Variants in NOTCH2NLA observed in about 807,000 individuals in gnomAD.
NOTCH2NLA encodes notch 2 N-terminal like A, also known as notch homolog 2 N-terminal-like protein A.
In NOTCH2NLA at chr1:146,219,824, A is replaced by T. The variant is rs28526189; in HGVS notation, c.-45+8885T>A. On this transcript the variant is annotated intron_variant, in intron 1 of 4. Coordinates refer to ENST00000362074, the Ensembl canonical transcript of NOTCH2NLA. ...AAAAAAAAATATATATATATATATA[A>T]ATAAATCAACAGCTTTTCTAAATCT... Among the ~76,000 whole-genome samples the T allele has an allele frequency of 2.5e-4, 23 of 93,450 alleles. 1 individual carries two copies. Among genetic ancestry groups the T allele is most frequent in the African/African-American group, 1.4e-3 (22 of 15,740 alleles). 61.3% of individuals were successfully genotyped at this position (93,450 alleles called of 152,430 possible). A position where few individuals can be genotyped will look rare whatever the true frequency, so the allele number is the denominator to read the frequency against.
Position 146,180,695 on chromosome 1 carries a change from A to G in NOTCH2NLA, c.38+8605T>C, listed in dbSNP as rs1350079413. On this transcript the variant is annotated intron_variant, in intron 2 of 4. Transcript: ENST00000362074. ...CATGTGCACACGTGTGCATACACAC[A>G]TATGACAGGAGGACGGAGAGACACT... 2.8e-5 allele frequency among the ~76,000 whole-genome samples: 4 copies of G among 142,314 alleles called. 1 individual carries two copies. Among genetic ancestry groups the G allele is most frequent in the Non-Finnish European group, 4.9e-5 (3 of 61,816 alleles). The allele number at this position is 142,314 out of a possible 152,430, so 93.4% of individuals were successfully genotyped here.
chr1:146,158,094 G>A (rs1357506633), intron 3 of NOTCH2NLA, among the ~76,000 whole-genome samples: 1 of 151,242 alleles, frequency 6.6e-6, no homozygotes, highest in African/African-American at 2.4e-5. Flanking sequence ...TATTCACATG[G>A]CTGGCTTTTT....
At position 146,199,869 on chromosome 1, in the gene NOTCH2NLA, C is replaced by T. The variant is rs1553813480; in HGVS notation, c.-44-10488G>A. On this transcript the variant is annotated intron_variant, in intron 1 of 4. Coordinates refer to ENST00000362074, the Ensembl canonical transcript of NOTCH2NLA. ...TAAGTTTTAGGGTACATGTGCACAA[C>T]GTGCAGGTTTGTTACATATGTATAC... is the stretch of plus-strand genomic sequence containing the variant. Among the ~76,000 whole-genome samples, 4 of 21,018 alleles carry T rather than the reference C, an allele frequency of 1.9e-4. 1 individual carries two copies. The South Asian group carries it at 3.9e-3, about 21-fold the overall frequency. The allele number at this position is 21,018 out of a possible 152,430, so 13.8% of individuals were successfully genotyped here. A position where few individuals can be genotyped will look rare whatever the true frequency, so the allele number is the denominator to read the frequency against.
chr1:146,228,655 C>A (rs1664335491), intron 1 of NOTCH2NLA, 54 bp downstream of exon 1: 2 of 1,476,486 alleles, frequency 1.4e-6, no homozygotes, highest in African/African-American at 3.0e-5. Flanking sequence ...AGAAGGGTCG[C>A]CCCAGGTGGC....
At chr1:146,188,159 CA>C (rs1418727603) in intron 2 of NOTCH2NLA, among the ~76,000 whole-genome samples, 1 of 117,296 alleles carries the variant, frequency 8.5e-6, no homozygotes, top group East Asian at 2.2e-4. Context: ...GTACCTCCAC[CA>C]AAGCAAAGAA....
chr1:146,182,357 G>A (rs587768346), intron 2 of NOTCH2NLA, among the ~76,000 whole-genome samples: 1 of 133,768 alleles, frequency 7.5e-6, no homozygotes, highest in South Asian at 2.3e-4. Flanking sequence ...ATGGGATCTT[G>A]AGTGAATTAT....
chr1:146,228,510 G>A (rs1400378431), intron 1 of NOTCH2NLA, 199 bp downstream of exon 1: 1 of 921,426 alleles, frequency 1.1e-6, no homozygotes, highest in African/African-American at 1.9e-5. Context: ...GCGGTTGGCG[G>A]GGAACCCCGG....
In NOTCH2NLA at chr1:146,200,776, A is replaced by G. The variant is rs1268294715; in HGVS notation, c.-44-11395T>C. Among the ~76,000 whole-genome samples the G allele has an allele frequency of 4.3e-4, 51 of 119,710 alleles. 2 individuals carry two copies. Among genetic ancestry groups the G allele is most frequent in the African/African-American group, 1.7e-3 (51 of 30,406 alleles). The allele number at this position is 119,710 out of a possible 152,430, so 78.5% of individuals were successfully genotyped here. A position where few individuals can be genotyped will look rare whatever the true frequency, so the allele number is the denominator to read the frequency against. On this transcript the variant is annotated intron_variant, in intron 1 of 4. Coordinates refer to ENST00000362074, the Ensembl canonical transcript of NOTCH2NLA. ...GTCATTTTAATAAAAAAGCAGCTCA[A>G]CACACTAACAGTCACAATTTGGTTT...
In NOTCH2NLA at chr1:146,228,565, C is replaced by T. The variant is rs1553820365; in HGVS notation, c.-45+144G>A. On this transcript the variant is annotated intron_variant, in intron 1 of 4. Coordinates refer to ENST00000362074, the Ensembl canonical transcript of NOTCH2NLA. ...GGAGGGGCCCCCGGCGATGTCCAAA[C>T]TCTCGGGAACCCAGCGAGTGGCCTC... is the stretch of plus-strand genomic sequence containing the variant. The T allele has an allele frequency of 6.6e-6, 9 of 1,354,762 alleles. No homozygotes were observed. In the South Asian group the frequency reaches 1.1e-4, roughly 17 times the overall value. The allele number at this position is 1,354,762 out of a possible 1,614,324, so 83.9% of individuals were successfully genotyped here.
At chr1:146,228,875 C>T (rs1388216703) in exon 1 of NOTCH2NLA, 9 of 1,474,646 alleles carry the variant, frequency 6.1e-6, no homozygotes, top group Middle Eastern at 4.6e-4. Flanking sequence ...ACTCTCTCCT[C>T]CCCTCCTCCT....
In NOTCH2NLA at chr1:146,180,080, T is replaced by C. The variant is rs1392408008; in HGVS notation, c.38+9220A>G. On this transcript the variant is annotated intron_variant, in intron 2 of 4. Transcript: ENST00000362074. ...TACTAGTGTGATAAAAATTAAACTT[T>C]TGTTTGAAAAGTGAGGATTCTATAG... 3.2e-4 allele frequency among the ~76,000 whole-genome samples: 46 copies of C among 142,374 alleles called. 1 individual carries two copies. The highest frequency in any genetic ancestry group is 9.8e-4 in the African/African-American group (40 of 40,998). 93.4% of individuals were successfully genotyped at this position (142,374 alleles called of 152,430 possible).
intron 1 of NOTCH2NLA, among the ~76,000 whole-genome samples, chr1:146,222,108 CACT>C (rs1271289080): frequency 1.3e-4 from 12 of 94,490 alleles, no homozygotes; most frequent in Non-Finnish European, 2.7e-4. Context: ...CCCAATACAC[CACT>C]AAGACAGCAG....
chr1:146,159,447 G>GAAAGAAAA lies in NOTCH2NLA; in HGVS notation c.299-2633_299-2632insTTTTCTTT, dbSNP rs1437002440. ...AGAAAGAAAGAAAGAAAGAAAGAAA[G>GAAAGAAAA]AGAAAGAAAGAAAGAAAGGAAGGGA... On this transcript the variant is annotated intron_variant, in intron 3 of 4. Coordinates refer to ENST00000362074, the Ensembl canonical transcript of NOTCH2NLA. Among the ~76,000 whole-genome samples the GAAAGAAAA allele has an allele frequency of 2.9e-5, 4 of 135,788 alleles. No homozygotes were observed. In the Admixed American group the frequency reaches 2.9e-4, roughly 10 times the overall value. The allele number at this position is 135,788 out of a possible 152,430, so 89.1% of individuals were successfully genotyped here. A position where few individuals can be genotyped will look rare whatever the true frequency, so the allele number is the denominator to read the frequency against.
intron 1 of NOTCH2NLA, among the ~76,000 whole-genome samples, chr1:146,207,789 C>A (rs1663660058): frequency 1.1e-5 from 1 of 93,544 alleles, no homozygotes; most frequent in Non-Finnish European, 2.4e-5. Context: ...TGTGGCTTTG[C>A]AATTAGACAG....
chr1:146,197,282 TAAC>T (rs1473040635), intron 1 of NOTCH2NLA, among the ~76,000 whole-genome samples: 3 of 60,708 alleles, frequency 4.9e-5, no homozygotes, highest in Admixed American at 1.9e-4. Context: ...TAATCAACGA[TAAC>T]AACTTATAAA....
rs1256818757 is a variant in NOTCH2NLA, at chr1:146,187,136, T to C, written c.38+2164A>G. 9.2e-5 allele frequency among the ~76,000 whole-genome samples: 12 copies of C among 130,174 alleles called. 1 individual carries two copies. The highest frequency in any genetic ancestry group is 9.0e-4 in the Admixed American group (11 of 12,272). 85.4% of individuals were successfully genotyped at this position (130,174 alleles called of 152,430 possible). The stretch of plus-strand genomic sequence containing the variant: ...GAGTGAGAACATGCCGTGTTTGGTT[T>C]TCTGTTCCTGTGTTAGTTTGCTGAG... On this transcript the variant is annotated intron_variant, in intron 2 of 4. Coordinates refer to ENST00000362074, the Ensembl canonical transcript of NOTCH2NLA.
At chr1:146,188,302 GAAA>G (rs1215007304) in intron 2 of NOTCH2NLA, among the ~76,000 whole-genome samples, 1 of 118,918 alleles carries the variant, frequency 8.4e-6, no homozygotes, top group Non-Finnish European at 1.9e-5. Context: ...TGAGGCAGAA[GAAA>G]AAAAATTATT....
Position 146,177,955 on chromosome 1 carries a change from C to CT in NOTCH2NLA, c.38+11344dup, listed in dbSNP as rs1662345565. Among the ~76,000 whole-genome samples, 2 of 130,908 alleles carry CT rather than the reference C, an allele frequency of 1.5e-5. 1 individual carries two copies. The highest frequency in any genetic ancestry group is 1.6e-4 in the Admixed American group (2 of 12,316). 85.9% of individuals were successfully genotyped at this position (130,908 alleles called of 152,430 possible). ...GTACTGTGTCTCTTTTTTAATATCC[C>CT]TCACAGTGCCCATCACCCTCTAGGT... On this transcript the variant is annotated intron_variant, in intron 2 of 4. Coordinates refer to ENST00000362074, the Ensembl canonical transcript of NOTCH2NLA.
chr1:146,180,599 T>A (rs1553809083), intron 2 of NOTCH2NLA, among the ~76,000 whole-genome samples: 1 of 143,130 alleles, frequency 7.0e-6, no homozygotes, highest in Non-Finnish European at 1.6e-5. Context: ...AAATTTTAAT[T>A]TACCTTACGT....
Sources: allele counts gnomAD v4.1 joint callset (sites outside exome capture counted in the v4.1 genomes callset), GRCh38; gene constraint gnomAD v4.1.1; transcripts MANE v1.5; gene names NCBI Gene and HGNC (gene_info 2026-07-23, HGNC 2026-07-21).